The following RNF145 variants were observed in gnomAD, a reference collection of about 807,000 sequenced individuals.
RNF145 encodes ring finger protein 145.
A neutral mutation model predicts 57.3 loss-of-function variants in RNF145; 12 were observed. The observed-to-expected ratio is 0.21, with a 90% CI of 0.13 to 0.34. The LOEUF (loss-of-function observed/expected upper bound fraction) is 0.34, where lower values mean the gene tolerates loss of function less well. RNF145 is among the 10% of genes least tolerant of loss of function. The pLI is 1.00. For missense variants in RNF145, 429 were observed against 799.0 expected (o/e 0.54, Z 5.58); for synonymous variants, 262 against 288.3 (o/e 0.91, Z 0.92).
Position 159,209,511 on chromosome 5 carries a change from C to CGGCGGCGGCGGCGGA in RNF145, c.-321_-320insTCCGCCGCCGCCGCC. ...TAGCAGCCGGCGCCGGCGTCGGCGGCCATGGCCTCCTGCGTTTGCTCCTCC... is the reference window on the plus strand; with the variant it reads ...TAGCAGCCGGCGCCGGCGTCGGCGGCGGCGGCGGCGGCGGACATGGCCTCCTGCGTTTGCTCCTCC... On this transcript the variant is annotated 5_prime_UTR_variant, in exon 1 of 11. Transcript: ENST00000424310. 1 of 981,526 alleles carries CGGCGGCGGCGGCGGA rather than the reference C, an allele frequency of 1.0e-6. No individual in the cohort carries two copies. The allele number at this position is 981,526 out of a possible 1,614,324, so 60.8% of individuals were successfully genotyped here.
intron 2 of RNF145, among the ~76,000 whole-genome samples, chr5:159,202,333 T>C (rs1489752101): frequency 2.0e-5 from 3 of 152,224 alleles, no homozygotes; most frequent in Non-Finnish European, 4.4e-5. Flanking sequence ...ATAAATTGGC[T>C]AACATACAAA....
intron 8 of RNF145, 113 bp downstream of exon 8, chr5:159,168,760 C>T: frequency 5.2e-6 from 3 of 575,738 alleles, no homozygotes; most frequent in Non-Finnish European, 8.4e-6. Context: ...TAAGCTAATA[C>T]CAATTACCCA....
At chr5:159,182,807 G>GT (rs1332292830) in intron 3 of RNF145, among the ~76,000 whole-genome samples, 1 of 152,096 alleles carries the variant, frequency 6.6e-6, no homozygotes, top group African/African-American at 2.4e-5. Flanking sequence ...CTGGAAGACA[G>GT]TTTGTCTAAA....
chr5:159,176,381 G>A (rs1784721296), intron 5 of RNF145, among the ~76,000 whole-genome samples: 1 of 152,094 alleles, frequency 6.6e-6, no homozygotes, highest in East Asian at 1.9e-4. Flanking sequence ...TACACAGCTA[G>A]TGAACAGCAG....
chr5:159,169,962 A>C (rs1784495247), intron 6 of RNF145, 143 bp from the exon 7 acceptor site: 6 of 596,794 alleles, frequency 1.0e-5, no homozygotes, highest in Non-Finnish European at 1.7e-5. Context: ...GAAATCACCC[A>C]ATTACTCCAT....
At chr5:159,200,255 TA>T (rs957907483) in intron 2 of RNF145, among the ~76,000 whole-genome samples, 18 of 149,410 alleles carry the variant, frequency 1.2e-4, no homozygotes, top group Non-Finnish European at 2.2e-4. Flanking sequence ...AAACTAACCA[TA>T]AAAAAAAAGC....
intron 8 of RNF145, among the ~76,000 whole-genome samples, chr5:159,164,506 A>C (rs1039772291): frequency 6.6e-6 from 1 of 152,142 alleles, no homozygotes; most frequent in African/African-American, 2.4e-5. Context: ...TATATACAAC[A>C]ATGTTATGTC....
chr5:159,199,391 A>G (rs78018014), intron 2 of RNF145, among the ~76,000 whole-genome samples: 1 of 11,200 alleles, frequency 8.9e-5, no homozygotes, highest in African/African-American at 3.2e-3. Flanking sequence ...AAAATCAGGA[A>G]AAAAAAAAAA....
chr5:159,159,172 TTA>T lies in RNF145; in HGVS notation c.1627-139_1627-138del. On this transcript the variant is annotated intron_variant, in intron 10 of 10. Transcript: ENST00000424310. ...CATAGATCTTAGAATAAAACTTACT[TTA>T]TATATCAGTAATAATCCTGCTGCCA... is the stretch of plus-strand genomic sequence containing the variant. The T allele has an allele frequency of 6.7e-6, 5 of 745,902 alleles. No individual in the cohort carries two copies. In the South Asian group the frequency reaches 9.6e-5, roughly 14 times the overall value. 46.2% of individuals were successfully genotyped at this position (745,902 alleles called of 1,614,324 possible). A position where few individuals can be genotyped will look rare whatever the true frequency, so the allele number is the denominator to read the frequency against.
intron 9 of RNF145, among the ~76,000 whole-genome samples, chr5:159,162,052 T>G (rs2113077746): frequency 6.6e-6 from 1 of 152,198 alleles, no homozygotes; most frequent in East Asian, 1.9e-4. Flanking sequence ...CTCTTCACTG[T>G]GTTATGTTTT....
At position 159,199,047 on chromosome 5, in the gene RNF145, T is replaced by A. The variant is rs1416922897; in HGVS notation, c.185-4223A>T. Among the ~76,000 whole-genome samples the A allele has an allele frequency of 2.6e-5, 4 of 152,130 alleles. No homozygotes were observed. The East Asian group carries it at 7.7e-4, about 29-fold the overall frequency. On this transcript the variant is annotated intron_variant, in intron 2 of 10. Coordinates refer to ENST00000424310, the MANE Select transcript of RNF145 (RefSeq NM_001199383.2). ...CTAGGTGCTGGGAATACTGAGATAA[T>A]AAACAACCCCCTTCTTACCTTAAAG...
intron 8 of RNF145, among the ~76,000 whole-genome samples, chr5:159,165,038 G>C (rs149492165): frequency 1.8e-3 from 281 of 152,176 alleles, no homozygotes; most frequent in African/African-American, 6.4e-3. Flanking sequence ...TTAATTCCCA[G>C]TACACTGAAT....
intron 3 of RNF145, among the ~76,000 whole-genome samples, chr5:159,183,340 A>C (rs1310961427): frequency 2.0e-5 from 3 of 152,144 alleles, no homozygotes; most frequent in Admixed American, 6.6e-5. Context: ...TGGTTGTCAC[A>C]ATTGGGGAGA....
chr5:159,166,692 A>C (rs911780958), intron 8 of RNF145, among the ~76,000 whole-genome samples: 1 of 152,236 alleles, frequency 6.6e-6, no homozygotes, highest in African/African-American at 2.4e-5. Context: ...ACCTTAAGCC[A>C]ACATTACAAA....
intron 4 of RNF145, among the ~76,000 whole-genome samples, chr5:159,181,182 C>CAA (rs796089068): frequency 6.9e-6 from 1 of 145,000 alleles, no homozygotes; most frequent in African/African-American, 2.5e-5. Context: ...AAGTGTAACT[C>CAA]AAAAAAAAAA....
intron 8 of RNF145, among the ~76,000 whole-genome samples, chr5:159,167,998 C>T (rs1231125949): frequency 3.3e-5 from 5 of 152,084 alleles, no homozygotes; most frequent in South Asian, 4.2e-4. Flanking sequence ...AGATGTATTT[C>T]TATAATCAAT....
chr5:159,207,358 C>A, intron 1 of RNF145: 1 of 681,560 alleles, frequency 1.5e-6, no homozygotes, highest in African/African-American at 1.8e-5. Flanking sequence ...ACCTCCTAAA[C>A]TTTTTTTTAA....
At chr5:159,180,609 T>C (rs1465182404) in intron 4 of RNF145, among the ~76,000 whole-genome samples, 1 of 152,114 alleles carries the variant, frequency 6.6e-6, no homozygotes, top group African/African-American at 2.4e-5. Flanking sequence ...CAAATATAAT[T>C]TTAAATTTTC....
At chr5:159,199,578 T>A (rs1198085031) in intron 2 of RNF145, among the ~76,000 whole-genome samples, 1 of 152,190 alleles carries the variant, frequency 6.6e-6, no homozygotes, top group Non-Finnish European at 1.5e-5. Context: ...CCTTGCCAGT[T>A]CTGGCTCTCA....
Sources: allele counts gnomAD v4.1 joint callset (sites outside exome capture counted in the v4.1 genomes callset), GRCh38; gene constraint gnomAD v4.1.1; transcripts MANE v1.5; gene names NCBI Gene and HGNC (gene_info 2026-07-23, HGNC 2026-07-21).